SLC4A10: variants seen among roughly 807,000 people sequenced by gnomAD.
SLC4A10 encodes solute carrier family 4 member 10, also known as sodium-driven chloride bicarbonate exchanger.
A neutral mutation model predicts 137.7 loss-of-function variants in SLC4A10; 42 were observed. The ratio of observed to expected loss-of-function variants is 0.30; its 90% confidence interval spans 0.24 to 0.39. The LOEUF is 0.39. Among genes scored for constraint, SLC4A10 ranks in the 10% least tolerant of loss-of-function variants. The probability of loss-of-function intolerance (pLI) is 1.00; values close to 1 mark genes in which losing one functional copy is unlikely to be tolerated. For missense variants in SLC4A10, 925 were observed against 1,355.0 expected, an observed-to-expected ratio of 0.68 and a Z score of 4.98; for synonymous variants, 474 against 464.1, an observed-to-expected ratio of 1.02 and a Z score of -0.27.
intron 15 of SLC4A10, among the ~76,000 whole-genome samples, chr2:161,932,823 T>C (rs946353969): frequency 1.3e-5 from 2 of 152,154 alleles, no homozygotes; most frequent in Non-Finnish European, 2.9e-5. Flanking sequence ...TAATGCCATT[T>C]CTTGAGAGTT....
intron 16 of SLC4A10, among the ~76,000 whole-genome samples, chr2:161,945,428 G>A (rs1316712788): frequency 6.6e-6 from 1 of 151,242 alleles, no homozygotes; most frequent in African/African-American, 2.4e-5. Context: ...TTATAGAATT[G>A]CTGAAACTTA....
At chr2:161,670,061 A>G (rs940448721) in intron 1 of SLC4A10, among the ~76,000 whole-genome samples, 1 of 152,118 alleles carries the variant, frequency 6.6e-6, no homozygotes, top group Non-Finnish European at 1.5e-5. Context: ...TAATAATTAT[A>G]CCCACTTCGT....
At chr2:161,664,044 C>T (rs551398878) in intron 1 of SLC4A10, among the ~76,000 whole-genome samples, 2 of 152,058 alleles carry the variant, frequency 1.3e-5, no homozygotes, top group South Asian at 2.1e-4. Flanking sequence ...TTTAGATTCA[C>T]ACTGGTGAAA....
At chr2:161,760,173 C>T (rs1337113475) in intron 1 of SLC4A10, among the ~76,000 whole-genome samples, 1 of 152,014 alleles carries the variant, frequency 6.6e-6, no homozygotes, top group Non-Finnish European at 1.5e-5. Flanking sequence ...ACTATCCATT[C>T]TTACCTTATG....
intron 6 of SLC4A10, among the ~76,000 whole-genome samples, chr2:161,868,586 G>C (rs750984326): frequency 1.2e-4 from 18 of 151,454 alleles, no homozygotes; most frequent in Admixed American, 1.1e-3. Flanking sequence ...TCAAAGAAAA[G>C]TAATTCAAAC....
chr2:161,796,575 A>G (rs540625245), intron 2 of SLC4A10, among the ~76,000 whole-genome samples: 4 of 152,336 alleles, frequency 2.6e-5, no homozygotes, highest in African/African-American at 7.2e-5. Context: ...TCCAGATTCA[A>G]GGGTTGGAGG....
At chr2:161,732,321 G>C (rs1252024818) in intron 1 of SLC4A10, among the ~76,000 whole-genome samples, 1 of 152,138 alleles carries the variant, frequency 6.6e-6, no homozygotes, top group East Asian at 1.9e-4. Flanking sequence ...CTACCTAAGG[G>C]TTGCCAGCCA....
chr2:161,778,655 A>G (rs1277198810), intron 2 of SLC4A10, among the ~76,000 whole-genome samples: 1 of 151,988 alleles, frequency 6.6e-6, no homozygotes, highest in Non-Finnish European at 1.5e-5. Flanking sequence ...GCATATACTA[A>G]GATAAATCTG....
intron 2 of SLC4A10, among the ~76,000 whole-genome samples, chr2:161,787,845 A>G (rs2053796526): frequency 6.6e-6 from 1 of 152,040 alleles, no homozygotes; most frequent in African/African-American, 2.4e-5. Context: ...TTGGTTTTCA[A>G]CATTCTCTTG....
intron 10 of SLC4A10, among the ~76,000 whole-genome samples, chr2:161,890,878 T>G (rs144733562): frequency 1.4e-3 from 207 of 152,280 alleles, no homozygotes; most frequent in African/African-American, 3.9e-3. Context: ...TCCCTTCTGT[T>G]TCTTCATAGT....
intron 16 of SLC4A10, among the ~76,000 whole-genome samples, chr2:161,943,105 C>T (rs904583679): frequency 6.6e-6 from 1 of 152,046 alleles, no homozygotes; most frequent in Admixed American, 6.6e-5. Context: ...ACCAGAATTG[C>T]TCAAATAGCT....
At chr2:161,662,716 A>G (rs1046715372) in intron 1 of SLC4A10, among the ~76,000 whole-genome samples, 1 of 152,192 alleles carries the variant, frequency 6.6e-6, no homozygotes. Flanking sequence ...TCTAGGCCTT[A>G]GTACCTCCAT....
In SLC4A10 at chr2:161,843,844, C is replaced by T. The variant is rs1417636976; in HGVS notation, c.416+3917C>T. ...TTTTATCAGCTCATTCCACCTGTCA[C>T]GTATCACATCTTGCATAATTTATGC... On this transcript the variant is annotated intron_variant, in intron 4 of 26. Transcript: ENST00000446997. Among the ~76,000 whole-genome samples the T allele has an allele frequency of 5.3e-5, 8 of 152,124 alleles. No individual in the cohort carries two copies. In the East Asian group the frequency reaches 1.3e-3, roughly 26 times the overall value.
intron 5 of SLC4A10, among the ~76,000 whole-genome samples, chr2:161,861,668 A>T (rs2060440778): frequency 6.6e-6 from 1 of 152,144 alleles, no homozygotes; most frequent in African/African-American, 2.4e-5. Flanking sequence ...TACAAAGAAA[A>T]TCTTGTTCTG....
chr2:161,634,575 G>A (rs551576477), intron 1 of SLC4A10, among the ~76,000 whole-genome samples: 2 of 151,924 alleles, frequency 1.3e-5, no homozygotes, highest in South Asian at 4.1e-4. Flanking sequence ...GTTTTTAATA[G>A]ACACATAATA....
intron 15 of SLC4A10, among the ~76,000 whole-genome samples, chr2:161,938,775 T>C (rs1003841249): frequency 6.0e-5 from 9 of 149,526 alleles, no homozygotes; most frequent in African/African-American, 2.0e-4. Context: ...CACTCTGAAA[T>C]GAGAAAGCAA....
At chr2:161,712,921 G>T (rs969738102) in intron 1 of SLC4A10, among the ~76,000 whole-genome samples, 1 of 151,836 alleles carries the variant, frequency 6.6e-6, no homozygotes, top group Non-Finnish European at 1.5e-5. Context: ...GAATTGTACT[G>T]GGCAAGGATA....
chr2:161,963,472 C>G (rs371500740), intron 21 of SLC4A10, among the ~76,000 whole-genome samples: 6 of 152,136 alleles, frequency 3.9e-5, no homozygotes, highest in African/African-American at 1.2e-4. Context: ...CTGGAACATA[C>G]TTTATTAACA....
At chr2:161,712,221 C>T (rs1473712882) in intron 1 of SLC4A10, among the ~76,000 whole-genome samples, 1 of 151,840 alleles carries the variant, frequency 6.6e-6, no homozygotes, top group Non-Finnish European at 1.5e-5. Context: ...TTTACATCTA[C>T]CTGCTAGGCT....
Sources: gnomAD v4.1 joint callset for allele counts (sites outside exome capture counted in the v4.1 genomes callset) on GRCh38, gnomAD v4.1.1 for gene constraint, MANE v1.5 for transcripts, NCBI Gene and HGNC (gene_info 2026-07-23, HGNC 2026-07-21) for gene names.